NYAP2: variants seen among roughly 807,000 people sequenced by gnomAD.
The protein encoded by NYAP2 is neuronal tyrosine-phosphorylated phosphoinositide-3-kinase adapter 2.
In NYAP2, 23 loss-of-function variants were observed where a neutral mutation model predicts 50.4. The observed-to-expected ratio is 0.46, with a 90% CI of 0.33 to 0.65. The LOEUF (loss-of-function observed/expected upper bound fraction) is 0.65, where lower values mean the gene tolerates loss of function less well. Ranked by LOEUF, NYAP2 falls within the 30% of genes least tolerant of loss-of-function variation. The pLI, the probability that NYAP2 is intolerant of heterozygous loss-of-function variation, is 0.02. For synonymous variants in NYAP2, 394 were observed against 365.2 expected (o/e 1.08, Z -0.90); for missense variants, 885 against 861.0 (o/e 1.03, Z -0.35).
At chr2:225,702,596 G>A in the NYAP2 span, 3 of 151,422 alleles carry the variant, frequency 2.0e-5, no homozygotes, top group East Asian at 3.9e-4. Flanking sequence ...TGTAAGCCTC[G>A]ATGTGTGCAT....
At chr2:225,540,907 GT>G (rs1324825819) in intron 4 of NYAP2, among the ~76,000 whole-genome samples, 3 of 152,240 alleles carry the variant, frequency 2.0e-5, no homozygotes, top group African/African-American at 7.2e-5. Flanking sequence ...CCCACCAACT[GT>G]CTATGAGGGT....
At chr2:225,446,076 G>A (rs1262688680) in intron 3 of NYAP2, among the ~76,000 whole-genome samples, 1 of 151,650 alleles carries the variant, frequency 6.6e-6, no homozygotes, top group East Asian at 1.9e-4. Flanking sequence ...AGCTACTCTG[G>A]AGGCTAAGGC....
chr2:225,608,440 C>T (rs1692827161), intron 5 of NYAP2, among the ~76,000 whole-genome samples: 1 of 152,070 alleles, frequency 6.6e-6, no homozygotes, highest in Non-Finnish European at 1.5e-5. Flanking sequence ...AAACTGATGG[C>T]ATCATCATAT....
intron 3 of NYAP2, among the ~76,000 whole-genome samples, chr2:225,457,362 G>A (rs1689755936): frequency 2.0e-5 from 3 of 151,972 alleles, no homozygotes; most frequent in South Asian, 2.1e-4. Context: ...TCATTGAAGG[G>A]CAGATTTCAC....
chr2:225,641,606 A>G (rs997947484), intron 6 of NYAP2, among the ~76,000 whole-genome samples: 10 of 152,028 alleles, frequency 6.6e-5, no homozygotes, highest in South Asian at 2.1e-4. Flanking sequence ...CGATGTCAGG[A>G]GTTCAAGACC....
chr2:225,581,854 G>A, intron 4 of NYAP2, 87 bp from the exon 5 acceptor site: 1 of 1,337,700 alleles, frequency 7.5e-7, no homozygotes. Context: ...CTGGCCTAAA[G>A]TTTATTGTAG....
chr2:225,676,102 C>A, the NYAP2 span, among the ~76,000 whole-genome samples: 1 of 151,996 alleles, frequency 6.6e-6, no homozygotes, highest in African/African-American at 2.4e-5. Flanking sequence ...ATTCTATATG[C>A]TGTATGTTTA....
intron 3 of NYAP2, among the ~76,000 whole-genome samples, chr2:225,440,550 G>A (rs1392886298): frequency 5.3e-5 from 8 of 152,154 alleles, no homozygotes; most frequent in Non-Finnish European, 1.2e-4. Context: ...GGAGGATTTC[G>A]TTAATGTAAA....
intron 3 of NYAP2, among the ~76,000 whole-genome samples, chr2:225,431,016 A>G (rs1254688168): frequency 6.6e-6 from 1 of 152,196 alleles, no homozygotes; most frequent in East Asian, 1.9e-4. Context: ...TTTAGTGGCC[A>G]AAAAAGAGCT....
chr2:225,479,693 T>C (rs1690174490), intron 3 of NYAP2, among the ~76,000 whole-genome samples: 1 of 152,114 alleles, frequency 6.6e-6, no homozygotes, highest in African/African-American at 2.4e-5. Flanking sequence ...ATATTTGCAT[T>C]TGCAGTCACC....
the NYAP2 span, among the ~76,000 whole-genome samples, chr2:225,693,228 C>T: frequency 2.0e-5 from 3 of 152,074 alleles, 1 homozygote; most frequent in South Asian, 6.2e-4. Context: ...TAGGATGTGA[C>T]AGTTTCTCAG....
chr2:225,636,158 A>G (rs1693410796), intron 6 of NYAP2, among the ~76,000 whole-genome samples: 1 of 152,202 alleles, frequency 6.6e-6, no homozygotes, highest in South Asian at 2.1e-4. Flanking sequence ...TAAGCCAAGC[A>G]CAGCTGGCTA....
At chr2:225,483,344 T>C (rs1395119555) in intron 3 of NYAP2, among the ~76,000 whole-genome samples, 1 of 152,200 alleles carries the variant, frequency 6.6e-6, no homozygotes. Context: ...TTATGCATAG[T>C]TTTTATGTAA....
chr2:225,699,876 G>A, the NYAP2 span: 3 of 151,678 alleles, frequency 2.0e-5, no homozygotes, highest in African/African-American at 4.8e-5. Flanking sequence ...ATATTGCCAC[G>A]AATGAATAAA....
exon 7 of NYAP2, chr2:225,652,990 T>C (rs984700239): frequency 2.0e-5 from 3 of 152,224 alleles, no homozygotes; most frequent in Admixed American, 6.5e-5. Flanking sequence ...TAAATGCCTT[T>C]ATATAAATGT....
chr2:225,481,125 C>T (rs1230481161), intron 3 of NYAP2, among the ~76,000 whole-genome samples: 2 of 151,868 alleles, frequency 1.3e-5, no homozygotes, highest in African/African-American at 2.4e-5. Context: ...CTATTGATCT[C>T]TACTGTTTCT....
chr2:225,565,125 C>T (rs555295353), intron 4 of NYAP2, among the ~76,000 whole-genome samples: 8 of 146,530 alleles, frequency 5.5e-5, no homozygotes, highest in Middle Eastern at 3.4e-3. Context: ...AGCAACACTC[C>T]GTCTCAAAAA....
At position 225,651,419 on chromosome 2, in the gene NYAP2, C is replaced by T. The variant is rs771419819; in HGVS notation, c.1829-13C>T. ...AGTCAGCTAATATTGTGTCTTTTTC[C>T]GCTTGTTTCCAGAGCCTAAAGTAAG... On this transcript the variant is annotated splice_polypyrimidine_tract_variant and intron_variant, in intron 6 of 6. Coordinates refer to ENST00000636099, the Ensembl canonical transcript of NYAP2. 9.9e-6 allele frequency: 16 copies of T among 1,613,742 alleles called. No homozygotes were observed. The highest frequency in any genetic ancestry group is 2.2e-5 in the East Asian group (1 of 44,864).
chr2:225,694,335 G>T, the NYAP2 span, among the ~76,000 whole-genome samples: 2 of 150,840 alleles, frequency 1.3e-5, no homozygotes, highest in African/African-American at 4.9e-5. Context: ...GAAGAATTTT[G>T]TGATAAAAGA....
Sources: gnomAD v4.1 joint callset for allele counts (sites outside exome capture counted in the v4.1 genomes callset) on GRCh38, gnomAD v4.1.1 for gene constraint, MANE v1.5 for transcripts, NCBI Gene and HGNC (gene_info 2026-07-23, HGNC 2026-07-21) for gene names.